Variants in ATRNL1 observed in about 807,000 individuals in gnomAD.
The protein encoded by ATRNL1 is attractin like 1, also known as attractin-like protein 1.
A neutral mutation model predicts 182.7 loss-of-function variants in ATRNL1; 95 were observed. That is an observed-to-expected ratio of 0.52 (90% CI 0.44 to 0.62). ATRNL1 has a LOEUF of 0.62. ATRNL1 is among the 20% of genes least tolerant of loss of function. The probability of loss-of-function intolerance (pLI) is 0.00; values close to 1 mark genes in which losing one functional copy is unlikely to be tolerated. For missense variants in ATRNL1, 1,471 were observed against 1,679.5 expected (o/e 0.88, Z 2.17); for synonymous variants, 576 against 568.3 (o/e 1.01, Z -0.19).
intron 26 of ATRNL1, among the ~76,000 whole-genome samples, chr10:115,611,271 A>T (rs1555018945): frequency 6.6e-6 from 1 of 152,144 alleles, no homozygotes; most frequent in Non-Finnish European, 1.5e-5. Context: ...CCTTAATTAT[A>T]AGTAGTATTT....
rs77242410 is a variant in ATRNL1, at chr10:115,247,747, A to G, written c.1687+6022A>G. ...CCAGGTTTATTGCAGTACTATTCAC[A>G]ACATCCAAGATATGGAACCACCTAG... On this transcript the variant is annotated intron_variant, in intron 10 of 28. Coordinates refer to ENST00000355044, the MANE Select transcript of ATRNL1 (RefSeq NM_207303.4). Among the ~76,000 whole-genome samples, 1,035 of 152,318 alleles carry G rather than the reference A, an allele frequency of 6.8e-3. 4 individuals are homozygous for G. Among genetic ancestry groups the G allele is most frequent in the Non-Finnish European group, 7.5e-3 (507 of 68,016 alleles).
At chr10:115,936,261 G>A (rs566702717) in intron 28 of ATRNL1, among the ~76,000 whole-genome samples, 119 of 152,220 alleles carry the variant, frequency 7.8e-4, no homozygotes, top group Middle Eastern at 3.4e-3. Flanking sequence ...TATACCAGGC[G>A]TTTTTTAAGC....
At chr10:115,730,618 G>A (rs905666699) in intron 27 of ATRNL1, among the ~76,000 whole-genome samples, 4 of 151,854 alleles carry the variant, frequency 2.6e-5, no homozygotes, top group Non-Finnish European at 4.4e-5. Flanking sequence ...GTAAATTTAC[G>A]TATTTGCTAG....
intron 28 of ATRNL1, among the ~76,000 whole-genome samples, chr10:115,899,965 G>A (rs546714068): frequency 6.6e-6 from 1 of 152,266 alleles, no homozygotes; most frequent in East Asian, 1.9e-4. Flanking sequence ...AGGCACTCCT[G>A]AAAATGAAGA....
At chr10:115,389,124 T>C (rs1554953450) in intron 19 of ATRNL1, among the ~76,000 whole-genome samples, 1 of 152,138 alleles carries the variant, frequency 6.6e-6, no homozygotes, top group Non-Finnish European at 1.5e-5. Flanking sequence ...GAATTTGATA[T>C]TTTTTAGATC....
chr10:115,143,132 A>G (rs1845819166), intron 5 of ATRNL1, among the ~76,000 whole-genome samples: 1 of 152,180 alleles, frequency 6.6e-6, no homozygotes, highest in Admixed American at 6.5e-5. Context: ...TTACCAGGAA[A>G]GTTAGCATAG....
intron 27 of ATRNL1, among the ~76,000 whole-genome samples, chr10:115,797,726 C>T (rs1319891712): frequency 1.3e-5 from 2 of 151,998 alleles, no homozygotes; most frequent in South Asian, 2.1e-4. Context: ...TAGAAATGGG[C>T]TCCAATTTGA....
At chr10:115,821,258 A>G (rs1950288957) in intron 27 of ATRNL1, among the ~76,000 whole-genome samples, 1 of 152,146 alleles carries the variant, frequency 6.6e-6, no homozygotes, top group Non-Finnish European at 1.5e-5. Flanking sequence ...ATGTTATTCA[A>G]TCTTTCTTAG....
At chr10:115,437,240 C>T (rs1239856220) in intron 21 of ATRNL1, among the ~76,000 whole-genome samples, 1 of 151,964 alleles carries the variant, frequency 6.6e-6, no homozygotes, top group East Asian at 1.9e-4. Context: ...AAATAGGAAG[C>T]TTATGAGATC....
At chr10:115,378,832 A>G (rs1179853363) in intron 19 of ATRNL1, among the ~76,000 whole-genome samples, 1 of 152,202 alleles carries the variant, frequency 6.6e-6, no homozygotes, top group East Asian at 1.9e-4. Flanking sequence ...AATTTCTTTA[A>G]GTATAATTAT....
chr10:115,770,074 G>A (rs969436828), intron 27 of ATRNL1, among the ~76,000 whole-genome samples: 8 of 151,026 alleles, frequency 5.3e-5, no homozygotes, highest in Admixed American at 1.3e-4. Flanking sequence ...GAAGACCTCC[G>A]AAGCTCCAAA....
chr10:115,567,616 A>C (rs1854145826), intron 26 of ATRNL1, among the ~76,000 whole-genome samples: 1 of 152,064 alleles, frequency 6.6e-6, no homozygotes, highest in African/African-American at 2.4e-5. Context: ...TTAGTCTTTT[A>C]CTCCAAAATT....
At chr10:115,614,814 A>G (rs1857349512) in intron 26 of ATRNL1, among the ~76,000 whole-genome samples, 2 of 151,950 alleles carry the variant, frequency 1.3e-5, no homozygotes, top group African/African-American at 4.8e-5. Flanking sequence ...TAAAATATCT[A>G]TTTTGTCTGA....
intron 26 of ATRNL1, among the ~76,000 whole-genome samples, chr10:115,584,803 T>C (rs1310416347): frequency 6.6e-6 from 1 of 152,098 alleles, no homozygotes; most frequent in African/African-American, 2.4e-5. Flanking sequence ...TTTGAATGTG[T>C]TTGCTCTTGC....
At chr10:115,896,378 A>G (rs890346627) in intron 28 of ATRNL1, among the ~76,000 whole-genome samples, 1 of 147,128 alleles carries the variant, frequency 6.8e-6, no homozygotes, top group East Asian at 1.9e-4. Flanking sequence ...AGCATAAAGA[A>G]AAAACTGAAT....
At chr10:115,120,362 A>G (rs1844673087) in intron 2 of ATRNL1, 94 bp downstream of exon 2, 2 of 637,318 alleles carry the variant, frequency 3.1e-6, no homozygotes, top group Non-Finnish European at 2.6e-6. Flanking sequence ...TAATTACTTT[A>G]TCATTTAGTT....
chr10:115,348,456 G>T (rs1363993681), intron 19 of ATRNL1, among the ~76,000 whole-genome samples: 1 of 152,010 alleles, frequency 6.6e-6, no homozygotes, highest in East Asian at 1.9e-4. Context: ...ACATCAATAA[G>T]TTTAGTATTT....
intron 24 of ATRNL1, among the ~76,000 whole-genome samples, chr10:115,496,099 C>T (rs746416577): frequency 2.0e-4 from 30 of 152,106 alleles, no homozygotes; most frequent in African/African-American, 6.0e-4. Flanking sequence ...TTGATCATTA[C>T]TGGCTTAGTG....
chr10:115,422,607 T>C (rs1475594291), intron 20 of ATRNL1, among the ~76,000 whole-genome samples: 1 of 152,196 alleles, frequency 6.6e-6, no homozygotes, highest in African/African-American at 2.4e-5. Flanking sequence ...GTTTAGCCAC[T>C]GTGGAAAGCA....
Sources: gnomAD v4.1 joint callset for allele counts (sites outside exome capture counted in the v4.1 genomes callset) on GRCh38, gnomAD v4.1.1 for gene constraint, MANE v1.5 for transcripts, NCBI Gene and HGNC (gene_info 2026-07-23, HGNC 2026-07-21) for gene names.